The following VAT1L variants were observed in gnomAD, a reference collection of about 807,000 sequenced individuals.
VAT1L encodes vesicle amine transport 1 like, also known as putative NADPH-dependent quinone oxidoreductase VAT1L.
A neutral mutation model predicts 44.1 loss-of-function variants in VAT1L; 34 were observed. The ratio of observed to expected loss-of-function variants is 0.77; its 90% CI spans 0.59 to 1.03. The LOEUF (loss-of-function observed/expected upper bound fraction) is 1.03, where lower values mean the gene tolerates loss of function less well. Ranked by LOEUF, VAT1L falls within the 50% of genes least tolerant of loss-of-function variation. The probability of loss-of-function intolerance (pLI) is 0.00; values close to 1 mark genes in which losing one functional copy is unlikely to be tolerated. For missense variants in VAT1L, 615 were observed against 538.8 expected, an observed-to-expected ratio of 1.14 and a Z score of -1.40; for synonymous variants, 253 against 202.2, an observed-to-expected ratio of 1.25 and a Z score of -2.13.
chr16:77,914,976 T>C (rs566159000), intron 7 of VAT1L, among the ~76,000 whole-genome samples: 1 of 152,190 alleles, frequency 6.6e-6, no homozygotes, highest in African/African-American at 2.4e-5. Context: ...AAATACAAAA[T>C]TAGCCAGGCC....
chr16:77,809,062 C>T (rs1363277842), intron 1 of VAT1L, among the ~76,000 whole-genome samples: 1 of 152,188 alleles, frequency 6.6e-6, no homozygotes, highest in East Asian at 1.9e-4. Flanking sequence ...TGATCTTTCT[C>T]TAGGAGAGCA....
chr16:77,844,712 C>T (rs768715516), intron 3 of VAT1L, among the ~76,000 whole-genome samples: 1 of 152,128 alleles, frequency 6.6e-6, no homozygotes, highest in Non-Finnish European at 1.5e-5. Context: ...TCTGCACTAC[C>T]AGTTTATATC....
intron 7 of VAT1L, among the ~76,000 whole-genome samples, chr16:77,954,788 G>T (rs1175406630): frequency 6.6e-6 from 1 of 152,126 alleles, no homozygotes; most frequent in Admixed American, 6.6e-5. Flanking sequence ...TGAATTAAAA[G>T]GTTCTAAAAC....
intron 7 of VAT1L, among the ~76,000 whole-genome samples, chr16:77,955,141 G>A (rs1022446703): frequency 2.0e-5 from 3 of 152,326 alleles, no homozygotes; most frequent in South Asian, 4.1e-4. Context: ...TGGATACTGA[G>A]ATGGGGCAGG....
At chr16:77,877,467 C>A (rs553725423) in intron 5 of VAT1L, among the ~76,000 whole-genome samples, 3 of 140,824 alleles carry the variant, frequency 2.1e-5, no homozygotes, top group Non-Finnish European at 3.0e-5. Flanking sequence ...GAGCCGAGAC[C>A]GCGCCAGTGC....
At chr16:77,887,096 G>T (rs1245746144) in intron 7 of VAT1L, among the ~76,000 whole-genome samples, 1 of 152,164 alleles carries the variant, frequency 6.6e-6, no homozygotes, top group Non-Finnish European at 1.5e-5. Flanking sequence ...TATCATTGGA[G>T]CTGGAACATG....
chr16:77,848,401 C>T (rs527247576), intron 3 of VAT1L, among the ~76,000 whole-genome samples: 2 of 152,258 alleles, frequency 1.3e-5, no homozygotes, highest in Admixed American at 6.5e-5. Flanking sequence ...TTTCAATGCT[C>T]GTCACGTTGC....
At chr16:77,940,219 A>G (rs2017862722) in intron 7 of VAT1L, among the ~76,000 whole-genome samples, 1 of 152,182 alleles carries the variant, frequency 6.6e-6, no homozygotes, top group Non-Finnish European at 1.5e-5. Context: ...CATTGCATCA[A>G]AATTTCCACC....
intron 1 of VAT1L, among the ~76,000 whole-genome samples, chr16:77,801,951 C>T (rs1019832899): frequency 5.9e-4 from 90 of 152,140 alleles, no homozygotes; most frequent in African/African-American, 2.1e-3. Flanking sequence ...CCGGAATCGA[C>T]GATGCATGAC....
intron 8 of VAT1L, among the ~76,000 whole-genome samples, chr16:77,975,430 T>C (rs533331072): frequency 1.7e-4 from 26 of 152,190 alleles, no homozygotes; most frequent in African/African-American, 5.5e-4. Context: ...CAGGTTGTTC[T>C]TGAAATCCTG....
intron 3 of VAT1L, among the ~76,000 whole-genome samples, chr16:77,840,263 G>C (rs1322931443): frequency 6.6e-6 from 1 of 152,212 alleles, no homozygotes; most frequent in Admixed American, 6.5e-5. Flanking sequence ...CAGCATATTA[G>C]GTGGGGAGGC....
intron 7 of VAT1L, among the ~76,000 whole-genome samples, chr16:77,934,504 C>T (rs927475806): frequency 2.6e-5 from 4 of 152,090 alleles, no homozygotes; most frequent in Non-Finnish European, 5.9e-5. Flanking sequence ...CCAGAAGGAA[C>T]ATGGCCCAGC....
rs143527271 is a variant in VAT1L at position 77,951,622 on chromosome 16, G to T, written c.1078-20228G>T. Among the ~76,000 whole-genome samples, 656 of 152,204 alleles carry T rather than the reference G, an allele frequency of 4.3e-3. 9 individuals carry two copies. Among genetic ancestry groups the T allele is most frequent in the African/African-American group, 0.015 (604 of 41,542 alleles). On this transcript the variant is annotated intron_variant, in intron 7 of 8. Coordinates refer to ENST00000302536, the MANE Select transcript of VAT1L (RefSeq NM_020927.3). ...TTAATTAGCAAAACAAAACTATAAT[G>T]CCTGGGATGCAGAGTTGGGTGAAAT...
At chr16:77,938,849 C>T (rs1372416883) in intron 7 of VAT1L, among the ~76,000 whole-genome samples, 1 of 152,096 alleles carries the variant, frequency 6.6e-6, no homozygotes, top group Admixed American at 6.6e-5. Context: ...ATAAACACAA[C>T]AAATCATTTT....
intron 8 of VAT1L, among the ~76,000 whole-genome samples, chr16:77,976,218 C>T (rs1192059868): frequency 6.6e-6 from 1 of 152,172 alleles, no homozygotes; most frequent in African/African-American, 2.4e-5. Context: ...TGGACATTGG[C>T]CAATGAGCCA....
intron 7 of VAT1L, among the ~76,000 whole-genome samples, chr16:77,970,100 G>C (rs1437766142): frequency 6.6e-6 from 1 of 150,812 alleles, no homozygotes; most frequent in Non-Finnish European, 1.5e-5. Flanking sequence ...TGAGCACGTG[G>C]TGACGCTTGC....
At chr16:77,963,373 A>G (rs2018184778) in intron 7 of VAT1L, among the ~76,000 whole-genome samples, 1 of 152,110 alleles carries the variant, frequency 6.6e-6, no homozygotes, top group Admixed American at 6.5e-5. Context: ...AGGGACCTGC[A>G]AGCAAAGAAA....
intron 1 of VAT1L, among the ~76,000 whole-genome samples, chr16:77,813,649 T>C (rs962518616): frequency 1.3e-5 from 2 of 152,216 alleles, no homozygotes; most frequent in African/African-American, 4.8e-5. Context: ...CTTTTCCACG[T>C]ATGCTTCCCC....
chr16:77,903,734 C>CTTTTTT (rs552342074), intron 7 of VAT1L, among the ~76,000 whole-genome samples: 2 of 124,364 alleles, frequency 1.6e-5, no homozygotes, highest in Non-Finnish European at 3.4e-5. Flanking sequence ...TCTCTCATTA[C>CTTTTTT]TTTTTTTTTT....
Sources: allele counts gnomAD v4.1 joint callset (sites outside exome capture counted in the v4.1 genomes callset), GRCh38; gene constraint gnomAD v4.1.1; transcripts MANE v1.5; gene names NCBI Gene and HGNC (gene_info 2026-07-23, HGNC 2026-07-21).